Variants in VCL observed in about 807,000 individuals in gnomAD.
VCL encodes the protein epididymis luminal protein 114.
A neutral mutation model predicts 125.7 loss-of-function variants in VCL; 47 were observed. That is an observed-to-expected ratio of 0.37 (90% CI 0.30 to 0.48). The LOEUF (loss-of-function observed/expected upper bound fraction) is 0.48. VCL is among the 20% of genes least tolerant of loss of function. The pLI is 0.99. For missense variants in VCL, 1,069 were observed against 1,455.5 expected, an observed-to-expected ratio of 0.73 and a Z score of 4.32; for synonymous variants, 458 against 514.6, an observed-to-expected ratio of 0.89 and a Z score of 1.49.
intron 19 of VCL, among the ~76,000 whole-genome samples, chr10:74,112,675 T>G (rs1157760539): frequency 6.6e-6 from 1 of 151,998 alleles, no homozygotes; most frequent in Non-Finnish European, 1.5e-5. Flanking sequence ...TCCAGGTATC[T>G]CAGTGGGAGG....
chr10:74,081,950 C>T (rs900104903), intron 6 of VCL, among the ~76,000 whole-genome samples: 1 of 152,142 alleles, frequency 6.6e-6, no homozygotes. Flanking sequence ...ACCAGTAATT[C>T]CAAGTTTTTC....
chr10:74,107,862 C>A (rs1254066482), intron 17 of VCL, among the ~76,000 whole-genome samples: 1 of 151,964 alleles, frequency 6.6e-6, no homozygotes. Flanking sequence ...TCCCCACTAC[C>A]CCCCGCAAGT....
intron 1 of VCL, chr10:74,027,551 C>T (rs957572237): frequency 6.7e-6 from 1 of 149,386 alleles, no homozygotes; most frequent in African/African-American, 2.5e-5. Context: ...GTCCCAGCTA[C>T]TCAGGAGGCT....
chr10:74,113,505 A>G (rs1164156065), intron 19 of VCL, among the ~76,000 whole-genome samples: 1 of 152,048 alleles, frequency 6.6e-6, no homozygotes, highest in African/African-American at 2.4e-5. Context: ...TTAAAGCAAC[A>G]TGTTCGTTCA....
chr10:74,078,221 T>C (rs1170358369), intron 6 of VCL, among the ~76,000 whole-genome samples: 1 of 152,196 alleles, frequency 6.6e-6, no homozygotes, highest in African/African-American at 2.4e-5. Context: ...AATTCTATTA[T>C]TCAGAATTAG....
At chr10:74,012,965 A>G (rs1840463421) in intron 1 of VCL, among the ~76,000 whole-genome samples, 1 of 151,952 alleles carries the variant, frequency 6.6e-6, no homozygotes, top group Admixed American at 6.6e-5. Context: ...GCTTATCACA[A>G]TTGTAATTAA....
intron 2 of VCL, among the ~76,000 whole-genome samples, chr10:74,049,333 G>A (rs975174732): frequency 3.3e-5 from 5 of 152,090 alleles, no homozygotes; most frequent in African/African-American, 1.2e-4. Context: ...ATGGGGATAT[G>A]CCATAAACTT....
Position 74,120,115 on chromosome 10 carries a change from C to T in VCL, c.*1946C>T, listed in dbSNP as rs984669667. The T allele has an allele frequency of 6.6e-5, 10 of 152,004 alleles. No homozygotes were observed. The East Asian group carries it at 1.9e-3, about 29-fold the overall frequency. 9.4% of individuals were successfully genotyped at this position (152,004 alleles called of 1,614,324 possible). On this transcript the variant is annotated 3_prime_UTR_variant, in exon 22 of 22. Coordinates refer to ENST00000211998, the MANE Select transcript of VCL (RefSeq NM_014000.3). ...TGTTATATGCAAATATTTTCTGCCT[C>T]TTCTTTTGTTCTGTTTAAAACAATA...
intron 1 of VCL, among the ~76,000 whole-genome samples, chr10:74,015,715 C>G (rs533977376): frequency 6.6e-6 from 1 of 150,672 alleles, no homozygotes; most frequent in South Asian, 2.1e-4. Context: ...GAGGAAGTCT[C>G]ACTCTGTTGC....
Position 74,090,172 on chromosome 10 carries a change from T to C in VCL, c.1326T>C (p.Thr442=). The C allele has an allele frequency of 6.2e-7, 1 of 1,614,210 alleles. No individual in the cohort carries two copies. The highest frequency in any genetic ancestry group is 8.5e-7 in the Non-Finnish European group (1 of 1,180,024). ...CCCTTGGGGAAATATCTGCTCTGACTTCTAAATTAGCAGATCTACGAAGAC... is the reference window on the plus strand; with the variant it reads ...CCCTTGGGGAAATATCTGCTCTGACCTCTAAATTAGCAGATCTACGAAGAC... The part of the protein sequence containing the change: ...LRSLGEISAL[T]SKLADLRRQG... Residue 442 remains threonine (T), a synonymous_variant, in exon 10 of 22, where the codon ACT becomes ACC. Coordinates refer to ENST00000211998, the MANE Select transcript of VCL (RefSeq NM_014000.3).
chr10:74,101,192 A>G, intron 14 of VCL, 95 bp downstream of exon 14: 20 of 1,503,868 alleles, frequency 1.3e-5, no homozygotes, highest in Non-Finnish European at 1.8e-5. Flanking sequence ...GTAAGATGGC[A>G]TAAAAAAACA....
In VCL at chr10:74,114,792, T is replaced by C. The variant is rs541281254; in HGVS notation, c.3154-3T>C. ...AACATACCAAATTAAACTTTCTCTT[T>C]AGGTATGTGAGCGAATCCCAACCAT... is the stretch of plus-strand genomic sequence containing the variant. On this transcript the variant is annotated splice_polypyrimidine_tract_variant and splice_region_variant and intron_variant, in intron 20 of 21. Transcript: ENST00000211998. 2 of 1,602,724 alleles carry C rather than the reference T, an allele frequency of 1.2e-6. No individual in the cohort carries two copies. Among genetic ancestry groups the C allele is most frequent in the Admixed American group, 1.7e-5 (1 of 58,178 alleles).
At position 74,058,890 on chromosome 10, in the gene VCL, GGT is replaced by G. The variant is rs148608729; in HGVS notation, c.240-11764_240-11763del. On this transcript the variant is annotated intron_variant, in intron 2 of 21. Transcript: ENST00000211998. ...AGTGCATGTTATTTCTCACAGAAAG[GGT>G]GTGTGTGTGTGTGTGCGTGTGCACG... Among the ~76,000 whole-genome samples, 91 of 150,874 alleles carry G rather than the reference GGT, an allele frequency of 6.0e-4. 2 individuals carry two copies. The highest frequency in any genetic ancestry group is 2.1e-3 in the African/African-American group (87 of 41,198).
chr10:74,002,498 A>G (rs1840245032), intron 1 of VCL, among the ~76,000 whole-genome samples: 1 of 152,148 alleles, frequency 6.6e-6, no homozygotes, highest in Non-Finnish European at 1.5e-5. Flanking sequence ...ATTACTTTTG[A>G]TTGGAGAATC....
intron 2 of VCL, among the ~76,000 whole-genome samples, chr10:74,059,777 T>A (rs1037853225): frequency 1.3e-5 from 2 of 152,178 alleles, no homozygotes; most frequent in African/African-American, 4.8e-5. Flanking sequence ...TAAGGACTTT[T>A]AAAAAATATT....
chr10:74,047,045 T>A (rs1362869858), intron 2 of VCL, among the ~76,000 whole-genome samples: 1 of 152,228 alleles, frequency 6.6e-6, no homozygotes, highest in East Asian at 1.9e-4. Flanking sequence ...GCATTTATCT[T>A]GCCTTTCCTG....
intron 8 of VCL, among the ~76,000 whole-genome samples, chr10:74,084,675 C>G (rs536718861): frequency 6.6e-6 from 1 of 151,920 alleles, no homozygotes; most frequent in Non-Finnish European, 1.5e-5. Flanking sequence ...TGCAATGGCG[C>G]GATCTCGGCT....
chr10:74,115,404 ATAAATAAATAAATAAG>A (rs1044811645), intron 21 of VCL, among the ~76,000 whole-genome samples: 12 of 152,028 alleles, frequency 7.9e-5, no homozygotes, highest in African/African-American at 2.7e-4. Context: ...AAATAAATAA[ATAAATAAATAAATAAG>A]TAAATAAAAG....
intron 1 of VCL, among the ~76,000 whole-genome samples, chr10:74,033,643 T>C (rs532507739): frequency 6.6e-6 from 1 of 152,332 alleles, no homozygotes; most frequent in African/African-American, 2.4e-5. Flanking sequence ...TGGTGTTGGG[T>C]CGTGATTTCA....
Sources: allele counts gnomAD v4.1 joint callset (sites outside exome capture counted in the v4.1 genomes callset), GRCh38; gene constraint gnomAD v4.1.1; transcripts MANE v1.5; gene names NCBI Gene and HGNC (gene_info 2026-07-23, HGNC 2026-07-21).